Variants in ARMC9 observed in about 807,000 individuals in gnomAD.
ARMC9 encodes the protein lisH domain-containing protein ARMC9.
Under a neutral mutation model 107.0 loss-of-function variants are expected in ARMC9, and 94 were observed. The ratio of observed to expected loss-of-function variants is 0.88; its 90% CI spans 0.74 to 1.04. ARMC9 has a LOEUF of 1.04. Among genes scored for constraint, ARMC9 ranks in the 50% least tolerant of loss-of-function variants. ARMC9 has a pLI of 0.00. For synonymous variants in ARMC9, 380 were observed against 396.9 expected (o/e 0.96, Z 0.51); for missense variants, 942 against 1,030.1 (o/e 0.91, Z 1.17).
chr2:231,274,675 C>T (rs1469319217), intron 14 of ARMC9, among the ~76,000 whole-genome samples: 3 of 152,126 alleles, frequency 2.0e-5, no homozygotes, highest in Non-Finnish European at 4.4e-5. Context: ...CAACTTTTTT[C>T]TGTCGGTCCT....
chr2:231,318,472 G>A (rs993976197), intron 19 of ARMC9, among the ~76,000 whole-genome samples: 4 of 152,220 alleles, frequency 2.6e-5, no homozygotes, highest in Non-Finnish European at 5.9e-5. Flanking sequence ...AGTCAGAGAT[G>A]TGGGGAGATT....
chr2:231,204,677 T>A (rs1480757424), intron 1 of ARMC9, among the ~76,000 whole-genome samples: 1 of 151,878 alleles, frequency 6.6e-6, no homozygotes, highest in Non-Finnish European at 1.5e-5. Flanking sequence ...TGAGAAGTGA[T>A]GGGCCGACCT....
rs1215847223 is a variant in ARMC9 at position 231,355,940 on chromosome 2, A to G, written c.2131+6A>G. 12 of 1,534,202 alleles carry G rather than the reference A, an allele frequency of 7.8e-6. No homozygotes were observed. The East Asian group carries it at 2.9e-4, about 38-fold the overall frequency. On this transcript the variant is annotated splice_donor_region_variant and intron_variant, in intron 22 of 24. Coordinates refer to ENST00000611582, the MANE Select transcript of ARMC9 (RefSeq NM_001352754.2). ...GTCCTGCGTCTCCTCTTCATGTAAG[A>G]ATGTGGGCAGCACACTGGGTCAGTT...
intron 9 of ARMC9, among the ~76,000 whole-genome samples, chr2:231,242,546 A>C (rs1037934967): frequency 1.3e-5 from 2 of 152,198 alleles, no homozygotes; most frequent in Non-Finnish European, 2.9e-5. Context: ...ATCCCCGAGA[A>C]TATGGCTGAC....
intron 9 of ARMC9, among the ~76,000 whole-genome samples, chr2:231,242,026 A>C (rs940766767): frequency 3.9e-5 from 6 of 152,208 alleles, no homozygotes; most frequent in Non-Finnish European, 8.8e-5. Flanking sequence ...ACAATAAAAC[A>C]AACACCCACA....
At chr2:231,345,186 A>G (rs2044750179) in intron 21 of ARMC9, 96 bp downstream of exon 21, 4 of 1,550,606 alleles carry the variant, frequency 2.6e-6, no homozygotes, top group Non-Finnish European at 3.5e-6. Context: ...AAAATAAAGC[A>G]TTCATTTTGA....
chr2:231,278,765 T>G (rs2039974923), intron 16 of ARMC9, among the ~76,000 whole-genome samples: 1 of 152,116 alleles, frequency 6.6e-6, no homozygotes, highest in Non-Finnish European at 1.5e-5. Flanking sequence ...TGCCATTCCC[T>G]TGGTATGTTT....
chr2:231,257,484 A>G (rs989015325), intron 10 of ARMC9, among the ~76,000 whole-genome samples: 1 of 152,142 alleles, frequency 6.6e-6, no homozygotes, highest in African/African-American at 2.4e-5. Flanking sequence ...GATTCCTCAC[A>G]CACCTGAGAT....
chr2:231,371,556 A>G lies in ARMC9; in HGVS notation c.*21A>G. The G allele has an allele frequency of 3.2e-6, 4 of 1,233,604 alleles. No individual in the cohort carries two copies. The highest frequency in any genetic ancestry group is 4.0e-6 in the Non-Finnish European group (4 of 989,148). 76.4% of individuals were successfully genotyped at this position (1,233,604 alleles called of 1,614,324 possible). A position where few individuals can be genotyped will look rare whatever the true frequency, so the allele number is the denominator to read the frequency against. On this transcript the variant is annotated 3_prime_UTR_variant, in exon 25 of 25. Coordinates refer to ENST00000611582, the MANE Select transcript of ARMC9 (RefSeq NM_001352754.2). The stretch of plus-strand genomic sequence containing the variant: ...AGTAAGGATGTCCCCGGGTGTCCCC[A>G]TCACGTTGCCGGAGGACCAGCCAGC...
At chr2:231,236,645 T>C (rs1208470351) in intron 8 of ARMC9, among the ~76,000 whole-genome samples, 1 of 152,038 alleles carries the variant, frequency 6.6e-6, no homozygotes. Context: ...AAATATACAA[T>C]TAAAAATAAA....
At chr2:231,329,598 C>T (rs974713945) in intron 19 of ARMC9, among the ~76,000 whole-genome samples, 21 of 152,158 alleles carry the variant, frequency 1.4e-4, no homozygotes, top group Admixed American at 7.9e-4. Context: ...TGTGAGCCAC[C>T]GCGCCCGGCA....
At chr2:231,291,211 T>C in intron 17 of ARMC9, 142 bp from the exon 18 acceptor site, 1 of 621,214 alleles carries the variant, frequency 1.6e-6, no homozygotes, top group Non-Finnish European at 2.9e-6. Context: ...CATATCTGTC[T>C]CCTCTTCTCT....
intron 19 of ARMC9, among the ~76,000 whole-genome samples, chr2:231,296,624 C>T (rs2041390653): frequency 6.6e-6 from 1 of 152,178 alleles, no homozygotes; most frequent in Non-Finnish European, 1.5e-5. Context: ...CGTGTAGGCG[C>T]CTGGCGAGAG....
chr2:231,198,722 C>A (rs908689134), intron 1 of ARMC9, 24 bp downstream of exon 1: 2 of 152,320 alleles, frequency 1.3e-5, no homozygotes, highest in African/African-American at 2.4e-5. Context: ...CGGATGCAGC[C>A]GGGCCACCCT....
At chr2:231,226,659 C>G (rs1219317700) in intron 6 of ARMC9, 115 bp from the exon 7 acceptor site, 2 of 1,278,532 alleles carry the variant, frequency 1.6e-6, no homozygotes, top group Non-Finnish European at 2.3e-6. Context: ...CCTCCCGGCT[C>G]CGAGAATTCT....
At chr2:231,350,695 G>A (rs867553990) in intron 21 of ARMC9, among the ~76,000 whole-genome samples, 3 of 151,810 alleles carry the variant, frequency 2.0e-5, no homozygotes, top group African/African-American at 7.3e-5. Context: ...TTGAGGGAAG[G>A]TCAGGACCCT....
intron 7 of ARMC9, among the ~76,000 whole-genome samples, chr2:231,227,043 A>G (rs1022889119): frequency 2.0e-5 from 3 of 152,236 alleles, no homozygotes; most frequent in Non-Finnish European, 2.9e-5. Flanking sequence ...GAATCCAATA[A>G]CATCCCAAAG....
chr2:231,233,505 G>A (rs1408006295), intron 7 of ARMC9, among the ~76,000 whole-genome samples: 2 of 152,150 alleles, frequency 1.3e-5, no homozygotes, highest in South Asian at 2.1e-4. Flanking sequence ...GGCCGGGTGC[G>A]GTGGCTCACA....
intron 23 of ARMC9, among the ~76,000 whole-genome samples, chr2:231,361,495 C>G (rs1391749627): frequency 6.6e-6 from 1 of 151,236 alleles, no homozygotes; most frequent in African/African-American, 2.4e-5. Context: ...ACTGGACCCC[C>G]GAGCAGAAGA....
Sources: allele counts gnomAD v4.1 joint callset (sites outside exome capture counted in the v4.1 genomes callset), GRCh38; gene constraint gnomAD v4.1.1; transcripts MANE v1.5; gene names NCBI Gene and HGNC (gene_info 2026-07-23, HGNC 2026-07-21).